Variants in ISLR2 observed in about 807,000 individuals in gnomAD.
The protein encoded by ISLR2 is immunoglobulin superfamily containing leucine-rich repeat protein 2.
Under a neutral mutation model 25.5 loss-of-function variants are expected in ISLR2, and 16 were observed. The ratio of observed to expected loss-of-function variants is 0.63; its 90% CI spans 0.43 to 0.95. ISLR2 has a LOEUF of 0.95. ISLR2 is among the 40% of genes least tolerant of loss of function. The pLI, the probability that ISLR2 is intolerant of heterozygous loss-of-function variation, is 0.00. For synonymous variants in ISLR2, 508 were observed against 486.6 expected (o/e 1.04, Z -0.58); for missense variants, 883 against 1,030.7 (o/e 0.86, Z 1.96).
At chr15:74,106,983 T>C (rs2072125653) in intron 2 of ISLR2, among the ~76,000 whole-genome samples, 1 of 152,068 alleles carries the variant, frequency 6.6e-6, no homozygotes, top group Non-Finnish European at 1.5e-5. Context: ...GGTGAGGGTG[T>C]TGGGGCTCTG....
At chr15:74,115,099 C>T (rs577495024) in intron 2 of ISLR2, among the ~76,000 whole-genome samples, 8 of 152,250 alleles carry the variant, frequency 5.3e-5, no homozygotes, top group African/African-American at 9.6e-5. Flanking sequence ...GAAGAATCCC[C>T]GGAGCTCACA....
At position 74,133,247 on chromosome 15, in the gene ISLR2, G is replaced by C. The variant is rs1324377571; in HGVS notation, c.493G>C (p.Gly165Arg). The change falls in exon 3 of 3, where the codon GGC (glycine) becomes CGC (arginine). Residue 165 changes from glycine (G) to arginine (R), a missense_variant. By Grantham distance (125) the Gly-to-Arg change is moderately radical. Around this residue, in one of 2 missense-constraint regions of ISLR2, gnomAD observed 271 missense variants for 387.9 expected, o/e 0.70. Coordinates refer to ENST00000453268, the MANE Select transcript of ISLR2 (RefSeq NM_020851.3). Reference protein sequence around the residue: ...NNNRLRTLAPGTFDALSALSH... With the variant: ...NNNRLRTLAPRTFDALSALSH... ...CAACCGGCTGCGTACGCTGGCGCCTGGCACCTTCGACGCGCTTAGCGCGCT... is the reference window on the plus strand; with the variant it reads ...CAACCGGCTGCGTACGCTGGCGCCTCGCACCTTCGACGCGCTTAGCGCGCT... 6.2e-7 allele frequency: 1 copy of C among 1,612,222 alleles called. No individual in the cohort carries two copies. The highest frequency in any genetic ancestry group is 1.1e-5 in the South Asian group (1 of 91,086).
intron 2 of ISLR2, among the ~76,000 whole-genome samples, chr15:74,116,926 G>C (rs539922226): frequency 6.6e-6 from 1 of 152,308 alleles, no homozygotes; most frequent in Non-Finnish European, 1.5e-5. Context: ...TAAAGTGAGA[G>C]CTCTGTTAGC....
upstream of ISLR2, chr15:74,126,596 G>A (rs2072300144): frequency 6.6e-6 from 1 of 152,088 alleles, no homozygotes; most frequent in African/African-American, 2.4e-5. Context: ...CCGCCCGCCT[G>A]GGCCTCCCAA....
chr15:74,135,096 C>G lies in ISLR2; in HGVS notation c.*104C>G. 7.3e-7 allele frequency: 1 copy of G among 1,377,306 alleles called. No individual in the cohort carries two copies. 85.3% of individuals were successfully genotyped at this position (1,377,306 alleles called of 1,614,324 possible). ...TATGTCCCCCGTCCCCAACCTTCAC[C>G]TACTCCTCCCCCTTACTACTCCCCA... On this transcript the variant is annotated 3_prime_UTR_variant, in exon 3 of 3. Coordinates refer to ENST00000453268, the MANE Select transcript of ISLR2 (RefSeq NM_020851.3).
chr15:74,117,449 A>C (rs1163816444), intron 2 of ISLR2, among the ~76,000 whole-genome samples: 1 of 152,120 alleles, frequency 6.6e-6, no homozygotes, highest in Non-Finnish European at 1.5e-5. Flanking sequence ...GGGAGGTTGC[A>C]GCAGGAGGAT....
At chr15:74,109,895 A>C (rs1230023075) in intron 2 of ISLR2, among the ~76,000 whole-genome samples, 1 of 152,116 alleles carries the variant, frequency 6.6e-6, no homozygotes, top group Non-Finnish European at 1.5e-5. Context: ...TCCCAGGCTT[A>C]AGCAATCCTC....
intron 2 of ISLR2, among the ~76,000 whole-genome samples, chr15:74,118,847 C>T (rs1484413435): frequency 5.9e-5 from 9 of 151,812 alleles, no homozygotes; most frequent in Non-Finnish European, 1.0e-4. Flanking sequence ...TTAGTAGAGA[C>T]GGGGTTTCAC....
At chr15:74,126,344 G>A (rs985382027), upstream of ISLR2, 3 of 144,168 alleles carry the variant, frequency 2.1e-5, no homozygotes, top group African/African-American at 8.3e-5. Context: ...GAAAAGCATA[G>A]GTATTTTTTT....
chr15:74,121,215 G>T (rs1246422704), intron 2 of ISLR2, among the ~76,000 whole-genome samples: 1 of 152,162 alleles, frequency 6.6e-6, no homozygotes, highest in Non-Finnish European at 1.5e-5. Flanking sequence ...CCTGCACGGG[G>T]CTACCAGACA....
chr15:74,133,674 A>G lies in ISLR2; in HGVS notation c.920A>G (p.Asp307Gly). ...GAAGGAGAGGGAGAAGGAGATGGGG[A>G]TTTGCTGACGCAGACCCAAGCCCAA... The part of the protein sequence containing the change: ...AEEGEGEGDG[D>G]LLTQTQAQTP... The change falls in exon 3 of 3, where the codon GAT (aspartate) becomes GGT (glycine). Residue 307 changes from aspartate to glycine, a missense_variant. Around this residue, in one of 2 missense-constraint regions of ISLR2, gnomAD observed 612 missense variants for 642.8 expected, o/e 0.95. Transcript: ENST00000453268. The G allele has an allele frequency of 1.9e-6, 3 of 1,609,146 alleles. No individual in the cohort carries two copies. The highest frequency in any genetic ancestry group is 2.5e-6 in the Non-Finnish European group (3 of 1,177,794).
intron 1 of ISLR2, chr15:74,103,737 T>G (rs1467031586): frequency 7.3e-6 from 1 of 136,706 alleles, no homozygotes; most frequent in Non-Finnish European, 1.6e-5. Context: ...AATCCCCACA[T>G]GTCAAGGGTG....
At chr15:74,125,510 G>A (rs1468380252), upstream of ISLR2, among the ~76,000 whole-genome samples, 1 of 152,238 alleles carries the variant, frequency 6.6e-6, no homozygotes, top group Non-Finnish European at 1.5e-5. Context: ...AAAGTGCTGG[G>A]ATTACAGGCA....
chr15:74,134,110 C>G lies in ISLR2; in HGVS notation c.1356C>G (p.Asp452Glu). Residue 452 changes from aspartate to glutamate, a missense_variant, in exon 3 of 3, where the codon GAC (aspartate) becomes GAG (glutamate). Transcript: ENST00000453268. The part of the protein sequence containing the change: ...GEEAEDQILA[D>E]PAEEQRCGNG... Reference sequence around the variant, plus strand: ...AGGCCGAAGACCAGATCCTCGCGGACCCGGCGGAGGAGCAGCGCTGTGGCA... The same window carrying G: ...AGGCCGAAGACCAGATCCTCGCGGAGCCGGCGGAGGAGCAGCGCTGTGGCA... The G allele has an allele frequency of 1.2e-6, 2 of 1,613,742 alleles. No homozygotes were observed. Among genetic ancestry groups the G allele is most frequent in the East Asian group, 2.2e-5 (1 of 44,856 alleles).
upstream of ISLR2, chr15:74,128,388 G>C (rs892137940): frequency 2.3e-6 from 1 of 441,892 alleles, no homozygotes; most frequent in Non-Finnish European, 4.5e-6. Flanking sequence ...CCGGGCCCGC[G>C]GGAGTCAGCT....
intron 2 of ISLR2, among the ~76,000 whole-genome samples, chr15:74,122,753 A>G (rs1471856802): frequency 3.9e-5 from 6 of 152,220 alleles, no homozygotes; most frequent in Non-Finnish European, 7.4e-5. Flanking sequence ...ATTTCAGCCC[A>G]CCAAGTGCCC....
At position 74,106,185 on chromosome 15, in the gene ISLR2, C is replaced by T. The variant is rs532841835; in HGVS notation, n.228+2271C>T. On this transcript the variant is annotated intron_variant and non_coding_transcript_variant, in intron 2 of 3. Coordinates refer to the ISLR2 transcript ENST00000561975. ...CAGCCTGGATGACAGAGCAAGACCC[C>T]GTCTCAAGAAAAGTGCTCAGATGCA... Among the ~76,000 whole-genome samples the T allele has an allele frequency of 4.6e-5, 7 of 152,174 alleles. 1 individual carries two copies. The highest frequency in any genetic ancestry group is 2.1e-4 in the South Asian group (1 of 4,816).
upstream of ISLR2, among the ~76,000 whole-genome samples, chr15:74,123,153 A>C (rs1355591217): frequency 6.6e-6 from 1 of 151,348 alleles, no homozygotes; most frequent in Admixed American, 6.6e-5. Context: ...AAGCAGGAAG[A>C]CTCCCTCTGC....
chr15:74,126,896 TTGTG>T (rs56301942), upstream of ISLR2: 16,691 of 122,100 alleles, frequency 0.14, 809 homozygotes, highest in East Asian at 0.16. Flanking sequence ...GAGAGAACAT[TTGTG>T]TGTGTGTGTG....
Sources: allele counts gnomAD v4.1 joint callset (sites outside exome capture counted in the v4.1 genomes callset), GRCh38; gene constraint gnomAD v4.1.1; regional missense constraint gnomAD v4.1.1; transcripts MANE v1.5; gene names NCBI Gene and HGNC (gene_info 2026-07-23, HGNC 2026-07-21).